The following HPSE2 variants were observed in gnomAD, a reference collection of about 807,000 sequenced individuals.
The protein encoded by HPSE2 is heparanase 2 (inactive).
Under a neutral mutation model 60.5 loss-of-function variants are expected in HPSE2, and 38 were observed. That is an observed-to-expected ratio of 0.63 (90% CI 0.48 to 0.82). HPSE2 has a LOEUF of 0.82. Among genes scored for constraint, HPSE2 ranks in the 40% least tolerant of loss-of-function variants. The probability of loss-of-function intolerance (pLI) is 0.00; values close to 1 mark genes in which losing one functional copy is unlikely to be tolerated. For missense variants in HPSE2, 713 were observed against 740.4 expected (o/e 0.96, Z 0.43); for synonymous variants, 295 against 293.2 (o/e 1.01, Z -0.06).
chr10:98,909,335 T>G (rs1201167150), intron 3 of HPSE2, among the ~76,000 whole-genome samples: 4 of 141,396 alleles, frequency 2.8e-5, no homozygotes, highest in Admixed American at 7.1e-5. Context: ...TTCAAAAAAG[T>G]TTTTTTTTTT....
intron 9 of HPSE2, among the ~76,000 whole-genome samples, chr10:98,548,758 C>T (rs1466582176): frequency 6.6e-6 from 1 of 152,178 alleles, no homozygotes; most frequent in Non-Finnish European, 1.5e-5. Flanking sequence ...CCCATTGCCC[C>T]TGGCCTTAAT....
At chr10:99,315,043 G>T in the HPSE2 span, among the ~76,000 whole-genome samples, 1 of 152,206 alleles carries the variant, frequency 6.6e-6, no homozygotes, top group Non-Finnish European at 1.5e-5. Context: ...AGCAAGAGTA[G>T]GAATGGATGA....
intron 3 of HPSE2, among the ~76,000 whole-genome samples, chr10:98,798,585 T>C (rs563143898): frequency 9.9e-5 from 15 of 152,262 alleles, no homozygotes; most frequent in Middle Eastern, 6.8e-3. Flanking sequence ...ATTGAGGGGA[T>C]GAAGTTAAAG....
chr10:98,729,867 G>A (rs1949186006), intron 4 of HPSE2, among the ~76,000 whole-genome samples: 1 of 151,954 alleles, frequency 6.6e-6, no homozygotes, highest in African/African-American at 2.4e-5. Context: ...CAAAATTGAA[G>A]AGAGAAATAG....
intron 3 of HPSE2, among the ~76,000 whole-genome samples, chr10:98,808,925 T>C (rs771645277): frequency 1.9e-4 from 29 of 152,154 alleles, no homozygotes; most frequent in Non-Finnish European, 4.1e-4. Context: ...AGAACACTTA[T>C]CTCTAATGAC....
chr10:98,603,443 T>TTTTG (rs1371341201), intron 9 of HPSE2, among the ~76,000 whole-genome samples: 2 of 150,756 alleles, frequency 1.3e-5, no homozygotes, highest in South Asian at 4.2e-4. Context: ...TTTTTTGTTT[T>TTTTG]TTTTTTTGAC....
At chr10:98,995,861 G>A (rs953194053) in intron 3 of HPSE2, among the ~76,000 whole-genome samples, 10 of 152,124 alleles carry the variant, frequency 6.6e-5, no homozygotes, top group Non-Finnish European at 1.2e-4. Context: ...ATGAGTACAT[G>A]AAAAGGTGAT....
At chr10:99,251,422 A>C in the HPSE2 span, among the ~76,000 whole-genome samples, 1 of 90,050 alleles carries the variant, frequency 1.1e-5, no homozygotes, top group Non-Finnish European at 2.7e-5. Flanking sequence ...CATACAAAGA[A>C]CAGCTGGTAC....
At chr10:98,485,916 T>C (rs1941423406) in intron 10 of HPSE2, among the ~76,000 whole-genome samples, 1 of 145,478 alleles carries the variant, frequency 6.9e-6, no homozygotes, top group Non-Finnish European at 1.5e-5. Flanking sequence ...GGGGAAGTGG[T>C]GGGTGGGAGG....
At position 98,600,419 on chromosome 10, in the gene HPSE2, GA is replaced by G. The variant is rs1387944063; in HGVS notation, c.1320+14484del. Reference sequence around the variant, plus strand: ...AGTTTTGTTTAATGGAGATGTTGGGGAAGGTAATTATAAGTGTTGAAGAAAT... The same window carrying G: ...AGTTTTGTTTAATGGAGATGTTGGGGAGGTAATTATAAGTGTTGAAGAAAT... On this transcript the variant is annotated intron_variant, in intron 9 of 11. Coordinates refer to ENST00000370552, the MANE Select transcript of HPSE2 (RefSeq NM_021828.5). Among the ~76,000 whole-genome samples the G allele has an allele frequency of 2.0e-5, 3 of 152,160 alleles. No homozygotes were observed. In the East Asian group the frequency reaches 5.8e-4, roughly 29 times the overall value.
chr10:98,967,140 T>G (rs1336944868), intron 3 of HPSE2, among the ~76,000 whole-genome samples: 2 of 152,176 alleles, frequency 1.3e-5, no homozygotes, highest in Non-Finnish European at 1.5e-5. Context: ...AGCTGGCAGT[T>G]GCCATGAAGA....
At chr10:98,483,760 T>C (rs564168257) in intron 10 of HPSE2, among the ~76,000 whole-genome samples, 4 of 152,316 alleles carry the variant, frequency 2.6e-5, no homozygotes, top group East Asian at 3.9e-4. Flanking sequence ...GGCTGTTCTA[T>C]TGAATGAAGA....
chr10:98,600,940 T>TAG (rs1285866729), intron 9 of HPSE2, among the ~76,000 whole-genome samples: 1 of 44,830 alleles, frequency 2.2e-5, no homozygotes, highest in African/African-American at 4.6e-5. Context: ...TATATATATA[T>TAG]AGAAAGAGAG....
intron 2 of HPSE2, among the ~76,000 whole-genome samples, chr10:99,215,451 G>A (rs1026637066): frequency 6.6e-6 from 1 of 152,138 alleles, no homozygotes; most frequent in African/African-American, 2.4e-5. Flanking sequence ...ATCACCACCA[G>A]GGCCTGTCGG....
At chr10:98,837,890 A>T (rs1342340281) in intron 3 of HPSE2, among the ~76,000 whole-genome samples, 1 of 151,890 alleles carries the variant, frequency 6.6e-6, no homozygotes, top group African/African-American at 2.4e-5. Context: ...AAAAAAAGAA[A>T]CCTCCAAGTA....
intron 7 of HPSE2, among the ~76,000 whole-genome samples, chr10:98,631,567 C>T (rs1010825869): frequency 6.6e-5 from 10 of 152,320 alleles, no homozygotes; most frequent in Non-Finnish European, 1.3e-4. Context: ...TATAATCCTC[C>T]CACTTACATG....
chr10:98,611,001 T>C (rs1945740246), intron 9 of HPSE2, among the ~76,000 whole-genome samples: 1 of 152,306 alleles, frequency 6.6e-6, no homozygotes, highest in South Asian at 2.1e-4. Flanking sequence ...AATGTGCAGA[T>C]CTCTTCTGCA....
the HPSE2 span, among the ~76,000 whole-genome samples, chr10:99,266,759 C>T: frequency 6.6e-6 from 1 of 152,158 alleles, no homozygotes; most frequent in Non-Finnish European, 1.5e-5. Context: ...ACTTCCCTGC[C>T]ACCTCTAACA....
rs145682654 is a variant in HPSE2, at chr10:98,713,276, T to C, written c.956+8381A>G. On this transcript the variant is annotated intron_variant, in intron 5 of 11. Transcript: ENST00000370552. ...ATTTTATTCTAAGAGAAATGAAAAG[T>C]CATTAAAGCATCTTTAGCAAGTGAC... 7.5e-4 allele frequency among the ~76,000 whole-genome samples: 114 copies of C among 152,088 alleles called. 1 individual carries two copies. Among genetic ancestry groups the C allele is most frequent in the African/African-American group, 2.6e-3 (110 of 41,530 alleles).
Sources: allele counts gnomAD v4.1 joint callset (sites outside exome capture counted in the v4.1 genomes callset), GRCh38; gene constraint gnomAD v4.1.1; transcripts MANE v1.5; gene names NCBI Gene and HGNC (gene_info 2026-07-23, HGNC 2026-07-21).